MLLT3: variants seen among roughly 807,000 people sequenced by gnomAD.
MLLT3 encodes protein AF-9.
MLLT3 carries 4 observed loss-of-function variants against 53.2 expected under a neutral mutation model. The observed-to-expected ratio is 0.08, with a 90% CI of 0.04 to 0.17. MLLT3 has a LOEUF of 0.17. MLLT3 is among the 10% of genes least tolerant of loss of function. The pLI, the probability that MLLT3 is intolerant of heterozygous loss-of-function variation, is 1.00. For synonymous variants in MLLT3, 283 were observed against 230.6 expected (o/e 1.23, Z -2.06); for missense variants, 569 against 684.0 (o/e 0.83, Z 1.87).
rs533914135 is a variant in MLLT3, at chr9:20,398,048, A to G, written c.1125+15673T>C. Among the ~76,000 whole-genome samples, 10 of 152,138 alleles carry G rather than the reference A, an allele frequency of 6.6e-5. No homozygotes were observed. In the South Asian group the frequency reaches 1.2e-3, roughly 19 times the overall value. On this transcript the variant is annotated intron_variant, in intron 5 of 10. Transcript: ENST00000380338. The stretch of plus-strand genomic sequence containing the variant: ...ACTTGCCCCTTTTAGTTAGAAACTT[A>G]TATCTTTTGCATTTTTTCATTCATT...
intron 2 of MLLT3, among the ~76,000 whole-genome samples, chr9:20,575,719 T>C (rs561201903): frequency 6.6e-6 from 1 of 152,278 alleles, no homozygotes; most frequent in South Asian, 2.1e-4. Flanking sequence ...AAATATTCAG[T>C]GTGGCAAGCA....
rs111532941 is a variant in MLLT3, at chr9:20,375,591, A to ATT, written c.1126-9849_1126-9848dup. 9.1e-3 allele frequency among the ~76,000 whole-genome samples: 1,150 copies of ATT among 126,088 alleles called. 42 individuals carry two copies. Among genetic ancestry groups the ATT allele is most frequent in the African/African-American group, 0.04 (1,068 of 26,432 alleles). The allele number at this position is 126,088 out of a possible 152,430, so 82.7% of individuals were successfully genotyped here. ...GGCTAGGAACCTTGTTATTTCAGTAATTTTTTTTTTTTTCTTTTCTTTTTT... is the reference window on the plus strand; with the variant it reads ...GGCTAGGAACCTTGTTATTTCAGTAATTTTTTTTTTTTTTTCTTTTCTTTTTT... On this transcript the variant is annotated intron_variant, in intron 5 of 10. Transcript: ENST00000380338.
rs536950947 is a variant in MLLT3, at chr9:20,430,142, G to C, written c.421-15717C>G. On this transcript the variant is annotated intron_variant, in intron 4 of 10. Coordinates refer to ENST00000380338, the MANE Select transcript of MLLT3 (RefSeq NM_004529.4). ...TAATAGCAAAACAAAATATAAAGTAGCTAGGAATAAATAAAGCATAAAACT... is the reference window on the plus strand; with the variant it reads ...TAATAGCAAAACAAAATATAAAGTACCTAGGAATAAATAAAGCATAAAACT... 8.5e-4 allele frequency among the ~76,000 whole-genome samples: 130 copies of C among 152,120 alleles called. 1 individual carries two copies. Among genetic ancestry groups the C allele is most frequent in the Non-Finnish European group, 1.3e-3 (86 of 67,944 alleles).
At chr9:20,584,524 T>C (rs1819896293) in intron 2 of MLLT3, among the ~76,000 whole-genome samples, 1 of 152,180 alleles carries the variant, frequency 6.6e-6, no homozygotes, top group African/African-American at 2.4e-5. Context: ...TTAATTGGAC[T>C]TACAGTTCCA....
At chr9:20,543,271 A>G (rs1044107554) in intron 2 of MLLT3, among the ~76,000 whole-genome samples, 1 of 152,198 alleles carries the variant, frequency 6.6e-6, no homozygotes, top group Non-Finnish European at 1.5e-5. Context: ...AAGAGGCCTA[A>G]CTTTTGACCT....
intron 2 of MLLT3, among the ~76,000 whole-genome samples, chr9:20,588,826 A>G (rs1180818378): frequency 6.6e-6 from 1 of 152,190 alleles, no homozygotes; most frequent in Admixed American, 6.5e-5. Flanking sequence ...TAACAAACAC[A>G]TGAAAAAATG....
intron 4 of MLLT3, among the ~76,000 whole-genome samples, chr9:20,436,108 T>G (rs936673992): frequency 1.3e-5 from 2 of 152,198 alleles, no homozygotes; most frequent in African/African-American, 4.8e-5. Flanking sequence ...TATCTCTACT[T>G]TCAAAACCCT....
chr9:20,574,849 T>C (rs1268029850), intron 2 of MLLT3, among the ~76,000 whole-genome samples: 1 of 152,218 alleles, frequency 6.6e-6, no homozygotes, highest in Non-Finnish European at 1.5e-5. Flanking sequence ...TTTACCACAG[T>C]AGAACTTCAT....
At chr9:20,603,723 T>C (rs1049448217) in intron 2 of MLLT3, among the ~76,000 whole-genome samples, 1 of 152,040 alleles carries the variant, frequency 6.6e-6, no homozygotes, top group African/African-American at 2.4e-5. Context: ...ATTGTGCCCT[T>C]AATTTGCAGG....
At chr9:20,347,075 C>CAA (rs11295975) in intron 10 of MLLT3, among the ~76,000 whole-genome samples, 51 of 82,942 alleles carry the variant, frequency 6.1e-4, no homozygotes, top group South Asian at 1.3e-3. Context: ...CAGGAACTCC[C>CAA]AAAAAAAAAA....
intron 2 of MLLT3, among the ~76,000 whole-genome samples, chr9:20,576,293 C>T (rs1442182571): frequency 1.3e-5 from 2 of 152,156 alleles, no homozygotes; most frequent in African/African-American, 4.8e-5. Flanking sequence ...AAACTTTCTC[C>T]ATATCAGCAA....
chr9:20,404,368 A>C (rs1822529506), intron 5 of MLLT3, among the ~76,000 whole-genome samples: 1 of 152,172 alleles, frequency 6.6e-6, no homozygotes, highest in Admixed American at 6.5e-5. Context: ...ACCTAACAAA[A>C]GCTGTCTTCA....
chr9:20,488,118 T>C (rs879929569), intron 2 of MLLT3, among the ~76,000 whole-genome samples: 1 of 152,092 alleles, frequency 6.6e-6, no homozygotes, highest in Non-Finnish European at 1.5e-5. Flanking sequence ...GGATAAGTGC[T>C]TTTGAGGTAA....
intron 2 of MLLT3, among the ~76,000 whole-genome samples, chr9:20,491,877 T>C (rs1824957141): frequency 6.6e-6 from 1 of 152,128 alleles, no homozygotes; most frequent in Non-Finnish European, 1.5e-5. Flanking sequence ...ACACAGAAGA[T>C]CGTGCACTGA....
At position 20,620,390 on chromosome 9, in the gene MLLT3, G is replaced by C. The variant is rs1433302653; in HGVS notation, c.193+264C>G. The stretch of plus-strand genomic sequence containing the variant: ...CACAGAACCCGCGGCTAACCCCAGA[G>C]GACTGGTGAGGGCTGGCTTGGGATG... On this transcript the variant is annotated intron_variant, in intron 2 of 10. Transcript: ENST00000380338. This position sits in a 1 kb window ranked among gnomAD's most constrained non-coding sequence, Gnocchi z 6.1. Among the ~76,000 whole-genome samples, 1 of 151,826 alleles carries C rather than the reference G, an allele frequency of 6.6e-6. No individual in the cohort carries two copies. The highest frequency in any genetic ancestry group is 6.6e-5 in the Admixed American group (1 of 15,260).
intron 2 of MLLT3, among the ~76,000 whole-genome samples, chr9:20,539,927 C>T (rs775033807): frequency 6.6e-6 from 1 of 152,210 alleles, no homozygotes; most frequent in East Asian, 1.9e-4. Flanking sequence ...AAATTAGTTA[C>T]TTCCAAGATA....
At chr9:20,367,213 A>G (rs1183118361) in intron 5 of MLLT3, among the ~76,000 whole-genome samples, 1 of 152,162 alleles carries the variant, frequency 6.6e-6, no homozygotes, top group Non-Finnish European at 1.5e-5. Flanking sequence ...TTCTAACCAG[A>G]AAGTTCCACA....
At position 20,498,227 on chromosome 9, in the gene MLLT3, C is replaced by CAAAAA. The variant is rs529049653; in HGVS notation, c.194-41446_194-41442dup. Among the ~76,000 whole-genome samples the CAAAAA allele has an allele frequency of 3.2e-3, 105 of 32,518 alleles. 29 individuals carry two copies. The highest frequency in any genetic ancestry group is 0.022 in the East Asian group (11 of 498). The allele number at this position is 32,518 out of a possible 152,430, so 21.3% of individuals were successfully genotyped here. A position where few individuals can be genotyped will look rare whatever the true frequency, so the allele number is the denominator to read the frequency against. ...TAGGTGACAGAGCGAGACGCTGTCT[C>CAAAAA]AAAAAAAAAAAAAAAAAAAAAAAAA... On this transcript the variant is annotated intron_variant, in intron 2 of 10. Coordinates refer to ENST00000380338, the MANE Select transcript of MLLT3 (RefSeq NM_004529.4).
intron 3 of MLLT3, among the ~76,000 whole-genome samples, chr9:20,456,430 A>C (rs1823972292): frequency 6.6e-6 from 1 of 152,178 alleles, no homozygotes; most frequent in Admixed American, 6.5e-5. Context: ...TTTTACAAAC[A>C]TATTTATCTT....
Sources: allele counts gnomAD v4.1 joint callset (sites outside exome capture counted in the v4.1 genomes callset), GRCh38; gene constraint gnomAD v4.1.1; non-coding constraint Gnocchi (gnomAD v3.1); transcripts MANE v1.5; gene names NCBI Gene and HGNC (gene_info 2026-07-23, HGNC 2026-07-21).